UBAP2L: variants seen among roughly 807,000 people sequenced by gnomAD.
UBAP2L encodes ubiquitin associated protein 2 like.
A neutral mutation model predicts 130.6 loss-of-function variants in UBAP2L; 12 were observed. The ratio of observed to expected loss-of-function variants is 0.09; its 90% CI spans 0.06 to 0.15. The LOEUF is 0.15. Ranked by LOEUF, UBAP2L falls within the 10% of genes least tolerant of loss-of-function variation. The pLI, the probability that UBAP2L is intolerant of heterozygous loss-of-function variation, is 1.00. For missense variants in UBAP2L, 965 were observed against 1,332.5 expected, an observed-to-expected ratio of 0.72 and a Z score of 4.29; for synonymous variants, 503 against 524.7, an observed-to-expected ratio of 0.96 and a Z score of 0.57.
intron 11 of UBAP2L, among the ~76,000 whole-genome samples, chr1:154,247,934 A>G (rs879619628): frequency 1.9e-4 from 29 of 151,832 alleles, no homozygotes; most frequent in Non-Finnish European, 3.1e-4. Context: ...TACAGTGAAC[A>G]CTAGGTAATT....
chr1:154,251,484 C>A lies in UBAP2L; in HGVS notation c.1495C>A (p.Pro499Thr), dbSNP rs755785108. The change falls in exon 14 of 27, where the codon CCT becomes ACT. Residue 499 changes from proline to threonine, a missense_variant. Pro to Thr is a conservative substitution (Grantham distance 38). Around this residue, in one of 9 missense-constraint regions of UBAP2L, gnomAD observed 393 missense variants for 408.1 expected, o/e 0.96. Transcript: ENST00000428931. ...CTCTTCTCCTTCAACTTTATAGATT[C>A]CTGCTCTGGCTGTGGAGATGCCTGG... ...KKKASLTSKIPALAVEMPGSA... is the reference protein window; with the variant it reads ...KKKASLTSKITALAVEMPGSA... 1 of 1,613,734 alleles carries A rather than the reference C, an allele frequency of 6.2e-7. No individual in the cohort carries two copies. The highest frequency in any genetic ancestry group is 1.7e-5 in the Admixed American group (1 of 59,942).
chr1:154,226,450 T>G (rs893921654), intron 2 of UBAP2L, among the ~76,000 whole-genome samples: 2 of 152,242 alleles, frequency 1.3e-5, no homozygotes, highest in Non-Finnish European at 2.9e-5. Context: ...ATCGAATATG[T>G]AAGATTAGGA....
In UBAP2L at chr1:154,270,787, GTAC is replaced by G; in HGVS notation, c.*494_*496del. The G allele has an allele frequency of 1.1e-5, 3 of 272,822 alleles. No individual in the cohort carries two copies. The highest frequency in any genetic ancestry group is 1.4e-5 in the Non-Finnish European group (3 of 221,076). 16.9% of individuals were successfully genotyped at this position (272,822 alleles called of 1,614,324 possible). On this transcript the variant is annotated 3_prime_UTR_variant, in exon 27 of 27. Transcript: ENST00000428931. Reference sequence around the variant, plus strand: ...TTTTTTTTGTTTTTTTTTTTTTTTTGTACTGTGTCCTCAAATTTAATGGATTAA... The same window carrying G: ...TTTTTTTTGTTTTTTTTTTTTTTTTGTGTGTCCTCAAATTTAATGGATTAA...
chr1:154,227,420 C>A, intron 3 of UBAP2L, 61 bp downstream of exon 3: 5 of 1,414,746 alleles, frequency 3.5e-6, no homozygotes, highest in South Asian at 3.5e-5. Flanking sequence ...AAGGCATAAT[C>A]AAATACTGTA....
At chr1:154,266,185 C>A (rs1449350211) in intron 24 of UBAP2L, among the ~76,000 whole-genome samples, 1 of 152,130 alleles carries the variant, frequency 6.6e-6, no homozygotes, top group Non-Finnish European at 1.5e-5. Flanking sequence ...TATATTCCTG[C>A]TAGACTTTGG....
chr1:154,261,149 C>A, intron 23 of UBAP2L, 40 bp downstream of exon 23: 1 of 1,591,492 alleles, frequency 6.3e-7, no homozygotes, highest in South Asian at 1.1e-5. Flanking sequence ...GGTGAAGGAT[C>A]CTAGCCCTGG....
chr1:154,230,021 AT>A (rs920409218), intron 4 of UBAP2L, among the ~76,000 whole-genome samples: 67 of 146,622 alleles, frequency 4.6e-4, no homozygotes, highest in African/African-American at 6.0e-4. Flanking sequence ...TACCCAGCTA[AT>A]TTTTTTTTTT....
chr1:154,227,581 C>T (rs1156281220), intron 3 of UBAP2L, among the ~76,000 whole-genome samples: 1 of 149,662 alleles, frequency 6.7e-6, no homozygotes, highest in Non-Finnish European at 1.5e-5. Context: ...AAGTCTCACT[C>T]TGTCACCCAG....
intron 9 of UBAP2L, among the ~76,000 whole-genome samples, chr1:154,242,275 A>G (rs936614572): frequency 2.6e-5 from 4 of 152,166 alleles, no homozygotes; most frequent in Admixed American, 6.5e-5. Context: ...TTTTTAATCT[A>G]TGTACTTTTC....
intron 1 of UBAP2L, among the ~76,000 whole-genome samples, chr1:154,221,922 G>A (rs1260004318): frequency 6.6e-6 from 1 of 152,146 alleles, no homozygotes; most frequent in Non-Finnish European, 1.5e-5. Context: ...TCTCATAATG[G>A]TACAGGAATG....
At chr1:154,254,464 G>A (rs1461286120) in intron 15 of UBAP2L, among the ~76,000 whole-genome samples, 2 of 152,182 alleles carry the variant, frequency 1.3e-5, no homozygotes, top group Non-Finnish European at 2.9e-5. Context: ...TGGAGTGAGT[G>A]TCAGATGCAG....
chr1:154,225,345 C>T (rs1204344036), intron 2 of UBAP2L, 132 bp downstream of exon 2: 2 of 916,828 alleles, frequency 2.2e-6, no homozygotes, highest in Non-Finnish European at 3.3e-6. Context: ...GTCCTTGGCT[C>T]TTTTTTTACT....
chr1:154,222,805 T>C (rs1418012724), intron 1 of UBAP2L, among the ~76,000 whole-genome samples: 1 of 152,202 alleles, frequency 6.6e-6, no homozygotes, highest in Non-Finnish European at 1.5e-5. Context: ...TCTCAATAAA[T>C]ATTTGTTATT....
intron 23 of UBAP2L, 63 bp downstream of exon 23, chr1:154,261,172 C>G: frequency 1.3e-6 from 2 of 1,525,910 alleles, no homozygotes; most frequent in Non-Finnish European, 1.8e-6. Flanking sequence ...ACTATCCTAG[C>G]TGCTTTTAAG....
rs1158694498 is a variant in UBAP2L, at chr1:154,263,521, G to A, written c.2902+1824G>A. The A allele has an allele frequency of 5.8e-6, 6 of 1,032,520 alleles. No individual in the cohort carries two copies. The African/African-American group carries it at 6.8e-5, about 12-fold the overall frequency. The allele number at this position is 1,032,520 out of a possible 1,614,324, so 64.0% of individuals were successfully genotyped here. A position where few individuals can be genotyped will look rare whatever the true frequency, so the allele number is the denominator to read the frequency against. On this transcript the variant is annotated intron_variant, in intron 24 of 26. Transcript: ENST00000428931. ...TTTAGCTAACTCTGGCGTTCTTTCCGTGCATGTCTTTGTGGACACTAGGAA... is the reference window on the plus strand; with the variant it reads ...TTTAGCTAACTCTGGCGTTCTTTCCATGCATGTCTTTGTGGACACTAGGAA...
At chr1:154,227,692 G>A (rs1003851846) in intron 3 of UBAP2L, among the ~76,000 whole-genome samples, 1 of 151,840 alleles carries the variant, frequency 6.6e-6, no homozygotes, top group African/African-American at 2.4e-5. Flanking sequence ...GATTACAGGC[G>A]CTCACCACCA....
chr1:154,257,153 G>A lies in UBAP2L; in HGVS notation c.2248G>A (p.Val750Ile). The A allele has an allele frequency of 6.2e-7, 1 of 1,614,130 alleles. No homozygotes were observed. The highest frequency in any genetic ancestry group is 8.5e-7 in the Non-Finnish European group (1 of 1,180,036). The change falls in exon 19 of 27, where the codon GTC becomes ATC. Residue 750 changes from valine to isoleucine, a missense_variant. Val to Ile is a conservative substitution (Grantham distance 29). This residue lies in a region of UBAP2L where 393 missense variants were observed against 408.1 expected (regional missense o/e 0.96). Transcript: ENST00000428931. ...CACAGTCTCTGCACCTCCCCCAGTG[G>A]TCAGTGTCTCCTCCAGTCTCAATAG... Reference protein sequence around the residue: ...SSTVSAPPPVVSVSSSLNSGS... With the variant: ...SSTVSAPPPVISVSSSLNSGS...
chr1:154,257,547 C>T (rs1680046743), intron 20 of UBAP2L, 113 bp downstream of exon 20: 1 of 1,112,930 alleles, frequency 9.0e-7, no homozygotes, highest in Non-Finnish European at 1.3e-6. Flanking sequence ...CATACTCAAG[C>T]CCTGCAGTTG....
In UBAP2L at chr1:154,234,764, G is replaced by A; in HGVS notation, c.448+5G>A. The A allele has an allele frequency of 3.8e-6, 6 of 1,580,718 alleles. No individual in the cohort carries two copies. The highest frequency in any genetic ancestry group is 5.2e-6 in the Non-Finnish European group (6 of 1,162,048). ...GTGCCAGCCGTGGACGAGAGTGTAT[G>A]CATGGGGCTTTATCAAAACCAGCTG... On this transcript the variant is annotated splice_donor_5th_base_variant and intron_variant, in intron 5 of 26. Coordinates refer to ENST00000428931, the MANE Select transcript of UBAP2L (RefSeq NM_014847.4).
Sources: allele counts gnomAD v4.1 joint callset (sites outside exome capture counted in the v4.1 genomes callset), GRCh38; gene constraint gnomAD v4.1.1; regional missense constraint gnomAD v4.1.1; transcripts MANE v1.5; gene names NCBI Gene and HGNC (gene_info 2026-07-23, HGNC 2026-07-21).